The following TRAPPC9 variants were observed in gnomAD, a reference collection of about 807,000 sequenced individuals.
TRAPPC9 encodes IKK2 binding protein.
Under a neutral mutation model 124.0 loss-of-function variants are expected in TRAPPC9, and 83 were observed. That is an observed-to-expected ratio of 0.67 (90% confidence interval 0.56 to 0.80). The LOEUF is 0.80. Ranked by LOEUF, TRAPPC9 falls within the 30% of genes least tolerant of loss-of-function variation. TRAPPC9 has a pLI of 0.00. For missense variants in TRAPPC9, 1,302 were observed against 1,508.3 expected (o/e 0.86, Z 2.27); for synonymous variants, 638 against 617.5 (o/e 1.03, Z -0.49).
At chr8:139,832,972 G>A (rs1826087933) in intron 21 of TRAPPC9, among the ~76,000 whole-genome samples, 2 of 152,306 alleles carry the variant, frequency 1.3e-5, no homozygotes, top group Non-Finnish European at 2.9e-5. Flanking sequence ...GATCTCAGAA[G>A]GGGAAGTCAG....
At chr8:139,961,815 C>T (rs947544517) in intron 19 of TRAPPC9, among the ~76,000 whole-genome samples, 6 of 123,864 alleles carry the variant, frequency 4.8e-5, no homozygotes, top group African/African-American at 1.5e-4. Flanking sequence ...GGCACTTCCT[C>T]GCCTGTGAGG....
At chr8:139,940,985 G>A (rs1833879233) in intron 19 of TRAPPC9, among the ~76,000 whole-genome samples, 1 of 152,242 alleles carries the variant, frequency 6.6e-6, no homozygotes, top group African/African-American at 2.4e-5. Context: ...CTATGAAGGG[G>A]GGTTGGGGTA....
chr8:140,152,724 C>A (rs933103472), intron 17 of TRAPPC9, among the ~76,000 whole-genome samples: 1 of 152,136 alleles, frequency 6.6e-6, no homozygotes, highest in South Asian at 2.1e-4. Context: ...TATGTCTTTA[C>A]ATTAATAGGT....
rs755574498 is a variant in TRAPPC9, at chr8:140,405,673, G to A, written c.912C>T (p.Asn304=). Residue 304 remains asparagine, a synonymous_variant, in exon 6 of 23, where the codon AAC becomes AAT. Coordinates refer to ENST00000438773, the MANE Select transcript of TRAPPC9 (RefSeq NM_001160372.4). ...GTCCGATCTCAGTACTGGTGTCAGG[G>A]TTGATGCCATTGGTGGTGAGGGCAC... The part of the protein sequence containing the change: ...DPGALTTNGI[N]PDTSTEIGRA... 3.7e-6 allele frequency: 6 copies of A among 1,614,166 alleles called. No homozygotes were observed. The Admixed American group carries it at 5.0e-5, about 13-fold the overall frequency.
intron 13 of TRAPPC9, among the ~76,000 whole-genome samples, chr8:140,284,322 T>A (rs914454445): frequency 6.6e-6 from 1 of 152,238 alleles, no homozygotes; most frequent in Admixed American, 6.5e-5. Context: ...ATAATCAGTA[T>A]CTCATCCCTT....
intron 21 of TRAPPC9, among the ~76,000 whole-genome samples, chr8:139,784,927 C>T (rs1822117344): frequency 6.6e-6 from 1 of 151,820 alleles, no homozygotes; most frequent in African/African-American, 2.4e-5. Flanking sequence ...AAAATTCCAG[C>T]AGGCCTTAAA....
chr8:139,804,110 C>T (rs1165127823), intron 21 of TRAPPC9, among the ~76,000 whole-genome samples: 20 of 148,358 alleles, frequency 1.3e-4, no homozygotes, highest in African/African-American at 4.9e-4. Flanking sequence ...TCACCACCAC[C>T]ACCAAACACC....
At chr8:139,972,950 C>A (rs77774390) in intron 19 of TRAPPC9, among the ~76,000 whole-genome samples, 1,692 of 152,306 alleles carry the variant, frequency 0.011, 31 homozygotes, top group African/African-American at 0.038. Context: ...AGCCCAGCAG[C>A]TCCTCTCCTC....
At chr8:140,227,726 C>T (rs1395353905) in intron 16 of TRAPPC9, among the ~76,000 whole-genome samples, 1 of 152,236 alleles carries the variant, frequency 6.6e-6, no homozygotes, top group African/African-American at 2.4e-5. Flanking sequence ...GGGTGAGGGC[C>T]AAGGGCCACG....
chr8:140,218,914 C>T (rs915969873), intron 17 of TRAPPC9, among the ~76,000 whole-genome samples: 6 of 151,840 alleles, frequency 4.0e-5, no homozygotes, highest in Admixed American at 6.6e-5. Flanking sequence ...GAGCCGAGAT[C>T]GCACCACTGC....
chr8:139,907,008 C>T lies in TRAPPC9; in HGVS notation c.2964+3139G>A, dbSNP rs780923746. 1.3e-5 allele frequency among the ~76,000 whole-genome samples: 2 copies of T among 152,194 alleles called. No individual in the cohort carries two copies. The highest frequency in any genetic ancestry group is 4.1e-4 in the South Asian group (2 of 4,828). ...GGGCTGAGATCTCCACCTACTCCTG[C>T]CAGGCGTGACCTGAGGGAAGCTCCC... On this transcript the variant is annotated intron_variant, in intron 20 of 22. Coordinates refer to ENST00000438773, the MANE Select transcript of TRAPPC9 (RefSeq NM_001160372.4). The surrounding 1 kb of genome is among the most constrained non-coding windows in gnomAD (Gnocchi z 4.7).
chr8:139,845,490 G>T (rs577122707), intron 21 of TRAPPC9, among the ~76,000 whole-genome samples: 6 of 152,344 alleles, frequency 3.9e-5, no homozygotes, highest in African/African-American at 1.4e-4. Context: ...GCATATTAAT[G>T]GAGCCCGTAC....
chr8:140,177,573 T>C (rs1166960075), intron 17 of TRAPPC9, among the ~76,000 whole-genome samples: 1 of 152,148 alleles, frequency 6.6e-6, no homozygotes, highest in African/African-American at 2.4e-5. Context: ...GATATTTTAG[T>C]TCCTACATAC....
At chr8:140,270,173 A>T (rs2064832316) in intron 15 of TRAPPC9, among the ~76,000 whole-genome samples, 1 of 151,392 alleles carries the variant, frequency 6.6e-6, no homozygotes, top group Non-Finnish European at 1.5e-5. Flanking sequence ...TTGAGATGAG[A>T]CCTCAGATGA....
chr8:140,146,764 T>C (rs2061469102), intron 17 of TRAPPC9, among the ~76,000 whole-genome samples: 2 of 151,902 alleles, frequency 1.3e-5, no homozygotes, highest in Admixed American at 6.6e-5. Context: ...CTTCTTACAG[T>C]GTCCCATGGG....
chr8:140,016,652 T>C (rs1007417281), intron 18 of TRAPPC9, among the ~76,000 whole-genome samples: 1 of 152,234 alleles, frequency 6.6e-6, no homozygotes, highest in Admixed American at 6.5e-5. Context: ...AGTATTCCAT[T>C]GTGTGGCAGC....
intron 9 of TRAPPC9, among the ~76,000 whole-genome samples, chr8:140,314,209 T>C (rs980311395): frequency 2.0e-5 from 3 of 152,234 alleles, no homozygotes; most frequent in Non-Finnish European, 4.4e-5. Flanking sequence ...ACTATTGCCC[T>C]GTGAAACTCC....
chr8:139,837,477 T>C (rs539192690), intron 21 of TRAPPC9, among the ~76,000 whole-genome samples: 1 of 152,302 alleles, frequency 6.6e-6, no homozygotes, highest in South Asian at 2.1e-4. Flanking sequence ...CTTCTTGCCA[T>C]GGCAGGAACT....
intron 17 of TRAPPC9, among the ~76,000 whole-genome samples, chr8:140,115,310 C>T (rs1209637069): frequency 2.0e-5 from 3 of 151,586 alleles, no homozygotes; most frequent in Non-Finnish European, 4.4e-5. Context: ...CTCTGTCGCC[C>T]AGGCTGGAGT....
Sources: allele counts gnomAD v4.1 joint callset (sites outside exome capture counted in the v4.1 genomes callset), GRCh38; gene constraint gnomAD v4.1.1; non-coding constraint Gnocchi (gnomAD v3.1); transcripts MANE v1.5; gene names NCBI Gene and HGNC (gene_info 2026-07-23, HGNC 2026-07-21).